The following UBE3D variants were observed in gnomAD, a reference collection of about 807,000 sequenced individuals.
The protein encoded by UBE3D is ubiquitin protein ligase E3D.
UBE3D carries 48 observed loss-of-function variants against 49.6 expected under a neutral mutation model. The observed-to-expected ratio is 0.97, with a 90% CI of 0.77 to 1.23. The LOEUF (loss-of-function observed/expected upper bound fraction) is 1.23. Among genes scored for constraint, UBE3D ranks in the 50% most tolerant of loss-of-function variants. The pLI is 0.00. For synonymous variants in UBE3D, 189 were observed against 174.2 expected (o/e 1.08, Z -0.67); for missense variants, 452 against 468.4 (o/e 0.96, Z 0.32).
chr6:82,932,990 C>T (rs1181750657), intron 9 of UBE3D, among the ~76,000 whole-genome samples: 3 of 152,020 alleles, frequency 2.0e-5, no homozygotes, highest in Non-Finnish European at 4.4e-5. Flanking sequence ...GAGGGGAAAA[C>T]CTTTAATTTT....
chr6:82,949,377 A>C (rs982842225), intron 9 of UBE3D, among the ~76,000 whole-genome samples: 1 of 152,076 alleles, frequency 6.6e-6, no homozygotes, highest in African/African-American at 2.4e-5. Context: ...AAGACACAAA[A>C]AAATGGAAAG....
At chr6:83,040,391 CTCTCTCTCTCTCTA>C (rs1259367713) in intron 4 of UBE3D, among the ~76,000 whole-genome samples, 2 of 85,736 alleles carry the variant, frequency 2.3e-5, no homozygotes, top group Non-Finnish European at 5.4e-5. Flanking sequence ...CTCTCTCTCT[CTCTCTCTCTCTCTA>C]TATATATATA....
chr6:82,892,994 G>A lies in UBE3D; in HGVS notation c.*28C>T, dbSNP rs762150137. ...TGCTCCTGCTTGAGAGCTGTCTGCC[G>A]GGGGAGGAGAATGCCCAGCTCTAAT... On this transcript the variant is annotated 3_prime_UTR_variant, in exon 10 of 10. Coordinates refer to ENST00000369747, the MANE Select transcript of UBE3D (RefSeq NM_198920.3). The A allele has an allele frequency of 9.3e-6, 15 of 1,613,022 alleles. No homozygotes were observed. The highest frequency in any genetic ancestry group is 2.2e-5 in the East Asian group (1 of 44,856).
chr6:82,938,679 G>A (rs1774774652), intron 9 of UBE3D: 1 of 152,192 alleles, frequency 6.6e-6, no homozygotes, highest in South Asian at 2.1e-4. Context: ...TCTCACTTTA[G>A]TTGGTGTATA....
intron 8 of UBE3D, among the ~76,000 whole-genome samples, chr6:83,003,531 C>T (rs1779772703): frequency 6.6e-6 from 1 of 152,154 alleles, no homozygotes; most frequent in African/African-American, 2.4e-5. Context: ...TGTCGCTTAA[C>T]AACGTGCATA....
chr6:83,029,067 C>A (rs191390384), intron 5 of UBE3D, among the ~76,000 whole-genome samples: 3 of 152,142 alleles, frequency 2.0e-5, no homozygotes, highest in Non-Finnish European at 4.4e-5. Flanking sequence ...AACAGATTGA[C>A]GACAACATGC....
At chr6:82,967,539 A>T (rs936375084) in intron 8 of UBE3D, among the ~76,000 whole-genome samples, 4 of 152,196 alleles carry the variant, frequency 2.6e-5, no homozygotes, top group African/African-American at 9.7e-5. Flanking sequence ...TTGTTATTTC[A>T]AGAATGTTAC....
intron 1 of UBE3D, among the ~76,000 whole-genome samples, chr6:83,059,876 AT>A: frequency 6.6e-6 from 1 of 152,208 alleles, no homozygotes; most frequent in Non-Finnish European, 1.5e-5. Context: ...GGGGTGTCAA[AT>A]CCCAAGACAG....
intron 5 of UBE3D, chr6:83,038,090 CAAAG>C (rs1026554038): frequency 1.3e-5 from 2 of 157,292 alleles, no homozygotes; most frequent in Non-Finnish European, 1.3e-5. Flanking sequence ...AAGAAGGAAA[CAAAG>C]AGAGAAAAAA....
intron 8 of UBE3D, among the ~76,000 whole-genome samples, chr6:82,966,072 AT>A (rs911100991): frequency 1.7e-4 from 25 of 151,426 alleles, no homozygotes; most frequent in Admixed American, 1.1e-3. Flanking sequence ...CCGCCTCATT[AT>A]TTTTTTTTAC....
At chr6:82,904,206 T>A (rs763478368) in intron 9 of UBE3D, among the ~76,000 whole-genome samples, 3 of 152,110 alleles carry the variant, frequency 2.0e-5, no homozygotes, top group African/African-American at 7.2e-5. Flanking sequence ...AAATGAAGCA[T>A]AATGAACCAA....
the UBE3D span, among the ~76,000 whole-genome samples, chr6:82,887,130 C>T: frequency 6.6e-6 from 1 of 151,032 alleles, no homozygotes. Flanking sequence ...ATGGTGAAAC[C>T]CTGTCTCTAC....
Position 83,018,831 on chromosome 6 carries a change from TATA to T in UBE3D, c.1010+139_1010+141del. 2.3e-5 allele frequency: 20 copies of T among 857,642 alleles called. No homozygotes were observed. In the South Asian group the frequency reaches 3.2e-4, roughly 14 times the overall value. The allele number at this position is 857,642 out of a possible 1,614,324, so 53.1% of individuals were successfully genotyped here. A position where few individuals can be genotyped will look rare whatever the true frequency, so the allele number is the denominator to read the frequency against. ...GTAATAATTCAACCTATTTTAAACATATAATATTTAGCAGTATTGGCTCCTAGA... is the reference window on the plus strand; with the variant it reads ...GTAATAATTCAACCTATTTTAAACATATATTTAGCAGTATTGGCTCCTAGA... On this transcript the variant is annotated intron_variant, in intron 8 of 9. Coordinates refer to ENST00000369747, the MANE Select transcript of UBE3D (RefSeq NM_198920.3).
At chr6:83,027,303 G>A (rs1013507761) in intron 5 of UBE3D, among the ~76,000 whole-genome samples, 7 of 151,520 alleles carry the variant, frequency 4.6e-5, no homozygotes, top group African/African-American at 1.5e-4. Flanking sequence ...GGGCGTGGAG[G>A]TGCATGTGTG....
intron 8 of UBE3D, among the ~76,000 whole-genome samples, chr6:82,981,741 G>C (rs2127719627): frequency 6.6e-6 from 1 of 151,958 alleles, no homozygotes; most frequent in African/African-American, 2.4e-5. Flanking sequence ...TTAGAAAAAA[G>C]CTTTTGGAAT....
the UBE3D span, among the ~76,000 whole-genome samples, chr6:82,884,022 T>C: frequency 6.6e-6 from 1 of 152,218 alleles, no homozygotes; most frequent in South Asian, 2.1e-4. Context: ...TGTTTTAGCA[T>C]TTGAGTATAT....
intron 9 of UBE3D, among the ~76,000 whole-genome samples, chr6:82,928,007 C>G (rs1773885731): frequency 6.6e-6 from 1 of 151,868 alleles, no homozygotes; most frequent in Non-Finnish European, 1.5e-5. Context: ...ATAAAATATA[C>G]AATGCCAACA....
At chr6:82,971,629 G>C (rs1313279901) in intron 8 of UBE3D, among the ~76,000 whole-genome samples, 3 of 151,952 alleles carry the variant, frequency 2.0e-5, no homozygotes, top group African/African-American at 7.3e-5. Flanking sequence ...TTGCTATGTT[G>C]CCCAGGCTGA....
Position 82,957,301 on chromosome 6 carries a change from C to G in UBE3D, c.1149+11G>C. 1 of 1,610,316 alleles carries G rather than the reference C, an allele frequency of 6.2e-7. No homozygotes were observed. The highest frequency in any genetic ancestry group is 8.5e-7 in the Non-Finnish European group (1 of 1,178,606). ...GAGAAATCACGGCCTAGAAAAGAAGCCATTGCTCACCTGAAAGGAATTCAC... is the reference window on the plus strand; with the variant it reads ...GAGAAATCACGGCCTAGAAAAGAAGGCATTGCTCACCTGAAAGGAATTCAC... On this transcript the variant is annotated intron_variant, in intron 9 of 9. Transcript: ENST00000369747.
Sources: gnomAD v4.1 joint callset for allele counts (sites outside exome capture counted in the v4.1 genomes callset) on GRCh38, gnomAD v4.1.1 for gene constraint, MANE v1.5 for transcripts, NCBI Gene and HGNC (gene_info 2026-07-23, HGNC 2026-07-21) for gene names.